The following KHDRBS2 variants were observed in gnomAD, a reference collection of about 807,000 sequenced individuals.
KHDRBS2 encodes KH domain-containing, RNA-binding, signal transduction-associated protein 2.
In KHDRBS2, 26 loss-of-function variants were observed where a neutral mutation model predicts 44.3. That is an observed-to-expected ratio of 0.59 (90% CI 0.43 to 0.81). The LOEUF (loss-of-function observed/expected upper bound fraction) is 0.81. KHDRBS2 is among the 40% of genes least tolerant of loss of function. The pLI, the probability that KHDRBS2 is intolerant of heterozygous loss-of-function variation, is 0.00. For synonymous variants in KHDRBS2, 194 were observed against 151.1 expected, an observed-to-expected ratio of 1.28 and a Z score of -2.08; for missense variants, 476 against 433.1, an observed-to-expected ratio of 1.10 and a Z score of -0.88.
At chr6:61,908,151 A>T (rs1470809881) in intron 4 of KHDRBS2, among the ~76,000 whole-genome samples, 1 of 152,146 alleles carries the variant, frequency 6.6e-6, no homozygotes, top group Non-Finnish European at 1.5e-5. Context: ...TACATACATA[A>T]TATTATTTTA....
chr6:62,188,469 T>A (rs1823910554), intron 1 of KHDRBS2, among the ~76,000 whole-genome samples: 1 of 152,012 alleles, frequency 6.6e-6, no homozygotes, highest in Admixed American at 6.6e-5. Flanking sequence ...CAAATGGAAA[T>A]AAATGTTGTG....
chr6:61,781,017 G>T (rs1255708444), intron 6 of KHDRBS2, among the ~76,000 whole-genome samples: 4 of 152,120 alleles, frequency 2.6e-5, no homozygotes, highest in African/African-American at 9.7e-5. Context: ...GTCTGATAAA[G>T]TTCTTAAAGT....
chr6:61,872,154 C>T (rs942559808), intron 6 of KHDRBS2, among the ~76,000 whole-genome samples: 1 of 151,782 alleles, frequency 6.6e-6, no homozygotes, highest in African/African-American at 2.4e-5. Context: ...TCACATAAAA[C>T]AATAAATTCA....
chr6:61,898,726 C>T (rs1803390325), intron 5 of KHDRBS2, among the ~76,000 whole-genome samples: 1 of 151,890 alleles, frequency 6.6e-6, no homozygotes, highest in Non-Finnish European at 1.5e-5. Context: ...TTCTACTATA[C>T]TTTCATGCAC....
intron 6 of KHDRBS2, among the ~76,000 whole-genome samples, chr6:61,819,676 G>A (rs534211924): frequency 6.6e-6 from 1 of 151,974 alleles, no homozygotes; most frequent in Admixed American, 6.6e-5. Context: ...TTCAATATTA[G>A]AGAAAGCAAA....
intron 7 of KHDRBS2, among the ~76,000 whole-genome samples, chr6:61,729,683 C>T (rs2880771): frequency 0.38 from 57,940 of 151,874 alleles, 12,117 homozygotes; most frequent in African/African-American, 0.57. Context: ...TTCAATTTTC[C>T]TAATGAATAA....
At chr6:61,673,987 C>A in the KHDRBS2 span, among the ~76,000 whole-genome samples, 1 of 151,674 alleles carries the variant, frequency 6.6e-6, no homozygotes, top group South Asian at 2.1e-4. Flanking sequence ...AGCCAGAAGA[C>A]CCTTATTCTT....
intron 2 of KHDRBS2, among the ~76,000 whole-genome samples, chr6:62,062,436 C>A (rs6937687): frequency 6.6e-6 from 1 of 151,038 alleles, no homozygotes; most frequent in Admixed American, 6.6e-5. Flanking sequence ...ATCTCTCAGA[C>A]CACAGTGCAA....
At chr6:61,744,353 C>T (rs1460397470) in intron 6 of KHDRBS2, among the ~76,000 whole-genome samples, 2 of 152,086 alleles carry the variant, frequency 1.3e-5, no homozygotes, top group Non-Finnish European at 2.9e-5. Flanking sequence ...GAACAGTGAG[C>T]TCATGGAATG....
intron 1 of KHDRBS2, among the ~76,000 whole-genome samples, chr6:62,189,139 AAAG>A (rs1280581447): frequency 2.1e-4 from 32 of 152,082 alleles, no homozygotes; most frequent in East Asian, 5.8e-4. Flanking sequence ...AACAAAAAAA[AAAG>A]AAGAAGAAAG....
At chr6:61,710,421 T>G (rs2127550353) in intron 7 of KHDRBS2, among the ~76,000 whole-genome samples, 1 of 151,784 alleles carries the variant, frequency 6.6e-6, no homozygotes, top group Non-Finnish European at 1.5e-5. Flanking sequence ...CATGTCTTCC[T>G]CTTTTCTCAG....
At chr6:61,848,089 C>A (rs1794669603) in intron 6 of KHDRBS2, among the ~76,000 whole-genome samples, 1 of 151,882 alleles carries the variant, frequency 6.6e-6, no homozygotes, top group South Asian at 2.1e-4. Flanking sequence ...CTAGCTCCTG[C>A]AGTTCAGTTT....
intron 2 of KHDRBS2, among the ~76,000 whole-genome samples, chr6:62,095,794 C>G (rs1290107665): frequency 6.6e-6 from 1 of 151,770 alleles, no homozygotes; most frequent in Non-Finnish European, 1.5e-5. Flanking sequence ...TTGTCTTGTT[C>G]CTGATCTTAG....
intron 3 of KHDRBS2, among the ~76,000 whole-genome samples, chr6:61,983,292 G>C (rs374176238): frequency 1.5e-5 from 2 of 132,538 alleles, no homozygotes; most frequent in African/African-American, 5.8e-5. Context: ...GCCCAGGCTG[G>C]TCTCAGACTC....
intron 4 of KHDRBS2, among the ~76,000 whole-genome samples, chr6:61,911,591 G>A (rs1252317873): frequency 2.6e-5 from 4 of 151,988 alleles, no homozygotes; most frequent in African/African-American, 7.2e-5. Context: ...GTTATTTAGT[G>A]GCTGCTGCTT....
chr6:61,714,428 T>A (rs1771045836), intron 7 of KHDRBS2, among the ~76,000 whole-genome samples: 1 of 151,928 alleles, frequency 6.6e-6, no homozygotes, highest in Non-Finnish European at 1.5e-5. Flanking sequence ...GAAATGTTTA[T>A]AAATTGCTGG....
chr6:62,054,285 T>C (rs1562736084), intron 2 of KHDRBS2, among the ~76,000 whole-genome samples: 1 of 152,068 alleles, frequency 6.6e-6, no homozygotes, highest in South Asian at 2.1e-4. Flanking sequence ...ATCATAAACC[T>C]GTGTTAATTA....
the KHDRBS2 span, among the ~76,000 whole-genome samples, chr6:61,666,844 A>T: frequency 6.6e-6 from 1 of 151,418 alleles, no homozygotes; most frequent in Admixed American, 6.6e-5. Flanking sequence ...AGGTGGACAG[A>T]GATAAATTAG....
chr6:61,647,614 CA>C, the KHDRBS2 span, among the ~76,000 whole-genome samples: 1 of 152,026 alleles, frequency 6.6e-6, no homozygotes, highest in Non-Finnish European at 1.5e-5. Flanking sequence ...AATCAATATT[CA>C]AAAAATTGCT....
Sources: allele counts gnomAD v4.1 joint callset (sites outside exome capture counted in the v4.1 genomes callset), GRCh38; gene constraint gnomAD v4.1.1; transcripts MANE v1.5; gene names NCBI Gene and HGNC (gene_info 2026-07-23, HGNC 2026-07-21).